FSTL4: variants seen among roughly 807,000 people sequenced by gnomAD.
FSTL4 encodes follistatin like 4.
In FSTL4, 28 loss-of-function variants were observed where a neutral mutation model predicts 78.2. The observed-to-expected ratio is 0.36, with a 90% CI of 0.27 to 0.49. The LOEUF (loss-of-function observed/expected upper bound fraction) is 0.49. FSTL4 is among the 20% of genes least tolerant of loss of function. The pLI is 0.98. For missense variants in FSTL4, 922 were observed against 1,084.9 expected (o/e 0.85, Z 2.11); for synonymous variants, 422 against 440.5 (o/e 0.96, Z 0.53).
chr5:133,283,652 C>T (rs1454459081), intron 6 of FSTL4, among the ~76,000 whole-genome samples: 1 of 152,128 alleles, frequency 6.6e-6, no homozygotes, highest in Non-Finnish European at 1.5e-5. Flanking sequence ...CCATAAGGTG[C>T]ATTTGCCAGG....
the FSTL4 span, among the ~76,000 whole-genome samples, chr5:133,773,682 ATCT>A: frequency 2.0e-5 from 3 of 152,118 alleles, no homozygotes. Flanking sequence ...TGCGTGCTTC[ATCT>A]TCTTTTTGTT....
chr5:133,307,494 C>A (rs1176483014), intron 6 of FSTL4, among the ~76,000 whole-genome samples: 5 of 152,196 alleles, frequency 3.3e-5, no homozygotes, highest in Non-Finnish European at 5.9e-5. Context: ...TCAGTTTCTT[C>A]ATCTGTGAAA....
At chr5:133,239,816 G>A (rs1205983268) in intron 7 of FSTL4, among the ~76,000 whole-genome samples, 1 of 152,198 alleles carries the variant, frequency 6.6e-6, no homozygotes, top group East Asian at 1.9e-4. Context: ...GGACCGTGGA[G>A]AACTTTTGTG....
the FSTL4 span, among the ~76,000 whole-genome samples, chr5:133,728,817 AGAAG>A: frequency 2.0e-5 from 3 of 152,030 alleles, no homozygotes; most frequent in African/African-American, 7.2e-5. Flanking sequence ...AAGAAGGAAG[AGAAG>A]GAAGGGAGGG....
the FSTL4 span, among the ~76,000 whole-genome samples, chr5:133,751,957 T>C: frequency 6.6e-6 from 1 of 152,100 alleles, no homozygotes; most frequent in African/African-American, 2.4e-5. Context: ...AGCAACATCA[T>C]CCCTTCTCCA....
chr5:133,303,279 G>T (rs765244291), intron 6 of FSTL4, among the ~76,000 whole-genome samples: 1 of 152,236 alleles, frequency 6.6e-6, no homozygotes, highest in Admixed American at 6.5e-5. Context: ...CTAAAGAGCT[G>T]CTCAGGAAGG....
intron 4 of FSTL4, among the ~76,000 whole-genome samples, chr5:133,321,989 T>C (rs1739555991): frequency 1.3e-5 from 2 of 152,230 alleles, no homozygotes; most frequent in Admixed American, 1.3e-4. Context: ...GGTTTCCAGG[T>C]AAAGAGAACT....
At chr5:133,507,152 G>A (rs1216811493) in intron 3 of FSTL4, among the ~76,000 whole-genome samples, 1 of 152,166 alleles carries the variant, frequency 6.6e-6, no homozygotes, top group African/African-American at 2.4e-5. Context: ...AGATTGCAGT[G>A]AGCCGAGATC....
the FSTL4 span, among the ~76,000 whole-genome samples, chr5:133,634,012 G>T: frequency 6.6e-6 from 1 of 152,068 alleles, no homozygotes; most frequent in Non-Finnish European, 1.5e-5. Context: ...GGAGAGAGGT[G>T]GTGGGAGAGT....
chr5:133,747,606 G>C, the FSTL4 span, among the ~76,000 whole-genome samples: 1 of 152,070 alleles, frequency 6.6e-6, no homozygotes, highest in East Asian at 1.9e-4. Context: ...AAAAAAACAG[G>C]TTAAGAGAGT....
chr5:133,360,567 C>T (rs1755046940), intron 4 of FSTL4, among the ~76,000 whole-genome samples: 1 of 150,682 alleles, frequency 6.6e-6, no homozygotes, highest in Admixed American at 6.6e-5. Context: ...GAAAAGGAAC[C>T]TAGACAAAGC....
intron 3 of FSTL4, among the ~76,000 whole-genome samples, chr5:133,448,753 G>T: frequency 6.9e-6 from 1 of 144,020 alleles, no homozygotes; most frequent in Non-Finnish European, 1.5e-5. Context: ...GGGGGGGGGC[G>T]CTCAGAATTT....
chr5:133,484,481 T>G (rs1163684467), intron 3 of FSTL4, among the ~76,000 whole-genome samples: 2 of 152,204 alleles, frequency 1.3e-5, no homozygotes, highest in African/African-American at 4.8e-5. Flanking sequence ...GAGAAAAGCT[T>G]TATTCTCTTA....
intron 3 of FSTL4, among the ~76,000 whole-genome samples, chr5:133,475,590 G>A (rs246960): frequency 6.6e-6 from 1 of 152,000 alleles, no homozygotes; most frequent in African/African-American, 2.4e-5. Flanking sequence ...CACTTAACTC[G>A]TTATTTCTGC....
intron 3 of FSTL4, among the ~76,000 whole-genome samples, chr5:133,502,691 C>T (rs1463725397): frequency 6.6e-6 from 1 of 152,178 alleles, no homozygotes; most frequent in Non-Finnish European, 1.5e-5. Context: ...TGAGACGTGC[C>T]TGCTTTTCCT....
intron 3 of FSTL4, among the ~76,000 whole-genome samples, chr5:133,466,369 C>T (rs1474352388): frequency 1.3e-5 from 2 of 152,002 alleles, no homozygotes; most frequent in East Asian, 1.9e-4. Flanking sequence ...GGTGAAACCC[C>T]GTCTCTACTA....
At chr5:133,380,062 CAA>C (rs56016350) in intron 4 of FSTL4, among the ~76,000 whole-genome samples, 19 of 145,632 alleles carry the variant, frequency 1.3e-4, no homozygotes, top group South Asian at 2.2e-4. Context: ...GACTCTATCT[CAA>C]AAAAAAAAAT....
chr5:133,601,025 C>T (rs1744455260), intron 2 of FSTL4, among the ~76,000 whole-genome samples: 1 of 152,170 alleles, frequency 6.6e-6, no homozygotes, highest in Admixed American at 6.5e-5. Flanking sequence ...TAATAAACTA[C>T]CCAGAAACTA....
At chr5:133,456,335 C>T (rs1391530273) in intron 3 of FSTL4, among the ~76,000 whole-genome samples, 5 of 152,234 alleles carry the variant, frequency 3.3e-5, no homozygotes, top group African/African-American at 4.8e-5. Flanking sequence ...TCGGACTGGA[C>T]GCCAACTTAG....
Sources: allele counts gnomAD v4.1 joint callset (sites outside exome capture counted in the v4.1 genomes callset), GRCh38; gene constraint gnomAD v4.1.1; transcripts MANE v1.5; gene names NCBI Gene and HGNC (gene_info 2026-07-23, HGNC 2026-07-21).